L3HYPDH: variants seen among roughly 807,000 people sequenced by gnomAD.
The protein encoded by L3HYPDH is trans-L-3-hydroxyproline dehydratase.
L3HYPDH carries 32 observed loss-of-function variants against 26.5 expected under a neutral mutation model. The ratio of observed to expected loss-of-function variants is 1.21; its 90% confidence interval spans 0.91 to 1.62. The LOEUF (loss-of-function observed/expected upper bound fraction) is 1.62. L3HYPDH is among the 40% of genes most tolerant of loss of function. The pLI is 0.00. For missense variants in L3HYPDH, 554 were observed against 476.4 expected, an observed-to-expected ratio of 1.16 and a Z score of -1.52; for synonymous variants, 215 against 196.6, an observed-to-expected ratio of 1.09 and a Z score of -0.78.
At chr14:59,486,857 A>G (rs1890620012), upstream of L3HYPDH, 2 of 1,204,892 alleles carry the variant, frequency 1.7e-6, no homozygotes, top group Non-Finnish European at 2.4e-6. Flanking sequence ...TTTGCTTTTG[A>G]AATATTTTCA....
At chr14:59,493,436 A>C in the L3HYPDH span, among the ~76,000 whole-genome samples, 1 of 152,306 alleles carries the variant, frequency 6.6e-6, no homozygotes, top group South Asian at 2.1e-4. Flanking sequence ...AGAACTGCCC[A>C]GTTGAGCCCA....
Sources: gnomAD v4.1 joint callset for allele counts (sites outside exome capture counted in the v4.1 genomes callset) on GRCh38, gnomAD v4.1.1 for gene constraint, MANE v1.5 for transcripts, NCBI Gene and HGNC (gene_info 2026-07-23, HGNC 2026-07-21) for gene names.